SEMA3A: variants seen among roughly 807,000 people sequenced by gnomAD.
SEMA3A encodes the protein semaphorin-3A.
SEMA3A carries 29 observed loss-of-function variants against 97.9 expected under a neutral mutation model. That is an observed-to-expected ratio of 0.30 (90% CI 0.22 to 0.40). SEMA3A has a LOEUF of 0.40. Ranked by LOEUF, SEMA3A falls within the 10% of genes least tolerant of loss-of-function variation. SEMA3A has a pLI of 1.00. For missense variants in SEMA3A, 763 were observed against 951.3 expected (o/e 0.80, Z 2.60); for synonymous variants, 321 against 323.7 (o/e 0.99, Z 0.09).
chr7:84,185,358 G>A (rs2116249523), intron 1 of SEMA3A, among the ~76,000 whole-genome samples: 1 of 151,700 alleles, frequency 6.6e-6, no homozygotes, highest in South Asian at 2.1e-4. Flanking sequence ...TTCACAACTT[G>A]CTGTTGAATT....
intron 1 of SEMA3A, among the ~76,000 whole-genome samples, chr7:84,158,643 C>T (rs558727938): frequency 6.6e-6 from 1 of 152,160 alleles, no homozygotes; most frequent in East Asian, 1.9e-4. Flanking sequence ...TTGGGTAGTG[C>T]CATGTATGTT....
At chr7:83,986,885 T>C (rs1256133714) in intron 12 of SEMA3A, among the ~76,000 whole-genome samples, 1 of 151,998 alleles carries the variant, frequency 6.6e-6, no homozygotes, top group Admixed American at 6.6e-5. Context: ...AATGAATTAA[T>C]ACATGTAAAA....
At chr7:83,999,377 C>T (rs539531299) in intron 12 of SEMA3A, among the ~76,000 whole-genome samples, 14 of 151,806 alleles carry the variant, frequency 9.2e-5, no homozygotes, top group Admixed American at 7.2e-4. Flanking sequence ...TAAAAATTCA[C>T]GAAAACACAA....
intron 1 of SEMA3A, among the ~76,000 whole-genome samples, chr7:84,430,330 T>C (rs958992150): frequency 4.6e-5 from 7 of 151,994 alleles, no homozygotes; most frequent in African/African-American, 1.7e-4. Context: ...ACATACTTAT[T>C]AACCAAATAT....
chr7:84,042,982 C>T (rs1170325599), intron 6 of SEMA3A, among the ~76,000 whole-genome samples: 1 of 151,910 alleles, frequency 6.6e-6, no homozygotes, highest in East Asian at 1.9e-4. Flanking sequence ...TTTATTTCCA[C>T]ATTAAGCTGA....
At chr7:84,488,952 G>A (rs994066721) in intron 1 of SEMA3A, 2 of 152,130 alleles carry the variant, frequency 1.3e-5, no homozygotes, top group Non-Finnish European at 2.9e-5. Flanking sequence ...CAGTCCGGTG[G>A]TTGGGGTAGC....
At chr7:83,986,178 C>A (rs992494709) in intron 12 of SEMA3A, among the ~76,000 whole-genome samples, 4 of 152,128 alleles carry the variant, frequency 2.6e-5, no homozygotes, top group Non-Finnish European at 5.9e-5. Flanking sequence ...CAGCCTCATT[C>A]CTAACAACAC....
chr7:84,409,922 T>C (rs1026246239), intron 1 of SEMA3A, among the ~76,000 whole-genome samples: 1 of 152,144 alleles, frequency 6.6e-6, no homozygotes, highest in Non-Finnish European at 1.5e-5. Flanking sequence ...AGTACAGAAA[T>C]ATGAATTTTA....
At chr7:84,239,953 A>T (rs887747166) in intron 3 of SEMA3A, among the ~76,000 whole-genome samples, 9 of 152,164 alleles carry the variant, frequency 5.9e-5, no homozygotes, top group African/African-American at 2.2e-4. Flanking sequence ...CATTGGTCAG[A>T]CTAATGTTAG....
intron 6 of SEMA3A, among the ~76,000 whole-genome samples, chr7:84,026,480 T>C (rs778535723): frequency 2.0e-5 from 3 of 152,136 alleles, no homozygotes; most frequent in Non-Finnish European, 2.9e-5. Flanking sequence ...TGCAACCCAG[T>C]GAACCCATTA....
chr7:84,012,109 G>T (rs2116415626), intron 7 of SEMA3A, among the ~76,000 whole-genome samples: 1 of 152,170 alleles, frequency 6.6e-6, no homozygotes, highest in East Asian at 1.9e-4. Flanking sequence ...TTTGGTCCAA[G>T]ATATAAAATT....
chr7:84,131,616 T>C (rs1795963316), intron 2 of SEMA3A, among the ~76,000 whole-genome samples: 1 of 152,190 alleles, frequency 6.6e-6, no homozygotes, highest in African/African-American at 2.4e-5. Context: ...TTATCTTTAC[T>C]GTTAACCTTG....
intron 3 of SEMA3A, among the ~76,000 whole-genome samples, chr7:84,246,816 A>G (rs933652007): frequency 6.6e-6 from 1 of 152,168 alleles, no homozygotes; most frequent in Non-Finnish European, 1.5e-5. Context: ...TTTAAAAATT[A>G]GTCTTAAGGG....
chr7:83,964,409 C>T (rs1448573292), intron 15 of SEMA3A, among the ~76,000 whole-genome samples: 2 of 152,092 alleles, frequency 1.3e-5, no homozygotes, highest in African/African-American at 2.4e-5. Context: ...AAATGTTTTC[C>T]CCTTTTTTGT....
At chr7:84,231,755 A>T (rs550241640) in intron 3 of SEMA3A, among the ~76,000 whole-genome samples, 4 of 130,968 alleles carry the variant, frequency 3.1e-5, no homozygotes, top group East Asian at 2.0e-4. Flanking sequence ...GCTGATCTTT[A>T]CTAAGCAAGA....
chr7:84,417,576 A>G (rs1208706483), intron 1 of SEMA3A, among the ~76,000 whole-genome samples: 3 of 152,104 alleles, frequency 2.0e-5, no homozygotes, highest in Admixed American at 1.3e-4. Flanking sequence ...GACTTTACCT[A>G]ATACTATGGA....
chr7:84,426,732 C>T (rs917850090), intron 1 of SEMA3A, among the ~76,000 whole-genome samples: 2 of 152,016 alleles, frequency 1.3e-5, no homozygotes, highest in African/African-American at 4.8e-5. Flanking sequence ...ATTGTAATAG[C>T]TTTTGAGACA....
chr7:84,102,358 T>G (rs1444939533), intron 4 of SEMA3A, among the ~76,000 whole-genome samples: 1 of 152,176 alleles, frequency 6.6e-6, no homozygotes, highest in African/African-American at 2.4e-5. Flanking sequence ...TTTTAGTCAT[T>G]TTTTAAACCA....
intron 3 of SEMA3A, among the ~76,000 whole-genome samples, chr7:84,210,148 C>T (rs1214618420): frequency 6.6e-6 from 1 of 152,080 alleles, no homozygotes; most frequent in African/African-American, 2.4e-5. Flanking sequence ...TTTCCATACA[C>T]TAAAGTATTT....
Sources: gnomAD v4.1 joint callset for allele counts (sites outside exome capture counted in the v4.1 genomes callset) on GRCh38, gnomAD v4.1.1 for gene constraint, MANE v1.5 for transcripts, NCBI Gene and HGNC (gene_info 2026-07-23, HGNC 2026-07-21) for gene names.